Variants in CNBD1 observed in about 807,000 individuals in gnomAD.
CNBD1 encodes the protein cyclic nucleotide binding domain containing 1.
CNBD1 carries 71 observed loss-of-function variants against 54.4 expected under a neutral mutation model. That is an observed-to-expected ratio of 1.30 (90% CI 1.08 to 1.59). The LOEUF (loss-of-function observed/expected upper bound fraction) is 1.59, where lower values mean the gene tolerates loss of function less well. CNBD1 is among the 40% of genes most tolerant of loss of function. The probability of loss-of-function intolerance (pLI) is 0.00; values close to 1 mark genes in which losing one functional copy is unlikely to be tolerated. For synonymous variants in CNBD1, 182 were observed against 170.7 expected (o/e 1.07, Z -0.51); for missense variants, 659 against 518.0 (o/e 1.27, Z -2.64).
In CNBD1 at chr8:87,286,539, GA is replaced by G; in HGVS notation, c.916del (p.Ile306Ter). The G allele has an allele frequency of 7.1e-7, 1 of 1,406,910 alleles. No homozygotes were observed. The highest frequency in any genetic ancestry group is 9.8e-7 in the Non-Finnish European group (1 of 1,023,278). 87.2% of individuals were successfully genotyped at this position (1,406,910 alleles called of 1,614,324 possible). ...PAKGYAKIKE[E>X]KIKLENMQKL... ...ATTTGATAATGACATTCTGTTTTAG[GA>G]AAAAATAAAACTTGAAAATATGCAA... On this transcript the variant is annotated frameshift_variant and splice_region_variant, in exon 8 of 11. Coordinates refer to ENST00000518476, the MANE Select transcript of CNBD1 (RefSeq NM_173538.3). LOFTEE classifies it high-confidence loss of function.
chr8:86,898,860 A>G (rs1808889441), intron 2 of CNBD1, among the ~76,000 whole-genome samples: 1 of 152,196 alleles, frequency 6.6e-6, no homozygotes, highest in Non-Finnish European at 1.5e-5. Context: ...TGTCAAAGAC[A>G]CTGTTAGAAG....
At chr8:87,419,000 A>G (rs184502888) in intron 2 of CNBD1, among the ~76,000 whole-genome samples, 2 of 151,928 alleles carry the variant, frequency 1.3e-5, no homozygotes, top group East Asian at 1.9e-4. Context: ...AAACTTTTAC[A>G]TGAATGTTCA....
rs184692580 is a variant in CNBD1, at chr8:86,882,586, T to A, written c.89-4956T>A. On this transcript the variant is annotated intron_variant, in intron 1 of 10. Transcript: ENST00000518476. ...CCTGTTGGTGGGACTGTAAATCAGC[T>A]CAACCATTGTGGAAGACAGTGTGGC... Among the ~76,000 whole-genome samples the A allele has an allele frequency of 7.2e-5, 11 of 152,244 alleles. No homozygotes were observed. In the South Asian group the frequency reaches 1.0e-3, roughly 14 times the overall value.
chr8:87,004,769 G>T (rs929568915), intron 4 of CNBD1, among the ~76,000 whole-genome samples: 2 of 151,972 alleles, frequency 1.3e-5, no homozygotes, highest in African/African-American at 4.8e-5. Flanking sequence ...GTTTTAATTC[G>T]AACAATATAA....
intron 4 of CNBD1, among the ~76,000 whole-genome samples, chr8:87,004,054 G>A (rs1041751123): frequency 2.0e-5 from 3 of 151,990 alleles, no homozygotes; most frequent in African/African-American, 7.2e-5. Flanking sequence ...GTGACATACC[G>A]TATATATATA....
At chr8:86,969,691 G>A (rs1808173954) in intron 4 of CNBD1, among the ~76,000 whole-genome samples, 1 of 151,470 alleles carries the variant, frequency 6.6e-6, no homozygotes, top group South Asian at 2.1e-4. Context: ...ATTACAATAT[G>A]TATTTTTGAG....
chr8:87,208,051 T>C (rs984742751), intron 5 of CNBD1, among the ~76,000 whole-genome samples: 2 of 152,188 alleles, frequency 1.3e-5, no homozygotes, highest in Non-Finnish European at 2.9e-5. Context: ...TATTCATGTA[T>C]GTGTTTCCCT....
At chr8:87,368,822 C>T (rs1042343962) in intron 10 of CNBD1, among the ~76,000 whole-genome samples, 4 of 151,912 alleles carry the variant, frequency 2.6e-5, no homozygotes, top group Non-Finnish European at 5.9e-5. Flanking sequence ...TCATGGACAA[C>T]ATATCTGAGG....
rs78627225 is a variant in CNBD1, at chr8:87,354,185, C to G, written c.1303+399C>G. On this transcript the variant is annotated intron_variant, in intron 10 of 10. Transcript: ENST00000518476. ...TGGACCTCACAGCTGAAAATGGGAG[C>G]CTTGTCTCATTCTCTGTGTGAGTCC... is the stretch of plus-strand genomic sequence containing the variant. Among the ~76,000 whole-genome samples the G allele has an allele frequency of 3.8e-3, 584 of 152,152 alleles. 8 individuals carry two copies. Among genetic ancestry groups the G allele is most frequent in the African/African-American group, 0.013 (555 of 41,490 alleles).
intron 4 of CNBD1, among the ~76,000 whole-genome samples, chr8:87,057,211 TGACTCACTTCCACAGGGCGGGGGAG>T (rs554830307): frequency 6.6e-6 from 1 of 152,270 alleles, no homozygotes; most frequent in Admixed American, 6.5e-5. Flanking sequence ...GAGGTTTAAT[TGACTCACTTCCACAGGGCGGGGGAG>T]GCCTCAGGAA....
intron 4 of CNBD1, among the ~76,000 whole-genome samples, chr8:87,100,620 C>A (rs1037740371): frequency 6.6e-6 from 1 of 152,064 alleles, no homozygotes; most frequent in Admixed American, 6.6e-5. Context: ...GGGTTACAGG[C>A]ACCTACTACC....
intron 4 of CNBD1, among the ~76,000 whole-genome samples, chr8:86,956,805 A>G (rs917265389): frequency 6.6e-6 from 1 of 152,136 alleles, no homozygotes; most frequent in Non-Finnish European, 1.5e-5. Flanking sequence ...TCTTTTCCTA[A>G]TTGAATACCC....
chr8:86,910,227 C>T (rs1435260945), intron 3 of CNBD1, among the ~76,000 whole-genome samples: 1 of 152,086 alleles, frequency 6.6e-6, no homozygotes, highest in Non-Finnish European at 1.5e-5. Context: ...GAAAAGCCAG[C>T]CTTAGAGAAA....
At chr8:87,011,856 C>T (rs1042913459) in intron 4 of CNBD1, among the ~76,000 whole-genome samples, 5 of 151,912 alleles carry the variant, frequency 3.3e-5, no homozygotes, top group African/African-American at 4.8e-5. Flanking sequence ...AGAATAGCTC[C>T]GATAATTGAT....
At position 87,075,065 on chromosome 8, in the gene CNBD1, A is replaced by G. The variant is rs114124776; in HGVS notation, c.432-130928A>G. On this transcript the variant is annotated intron_variant, in intron 4 of 10. Transcript: ENST00000518476. Reference sequence around the variant, plus strand: ...TAGTAGTACTACTTATCTCTTAGGCATATTATGAATATTAAATAAGTTATT... The same window carrying G: ...TAGTAGTACTACTTATCTCTTAGGCGTATTATGAATATTAAATAAGTTATT... 2.6e-3 allele frequency among the ~76,000 whole-genome samples: 398 copies of G among 152,348 alleles called. 2 individuals carry two copies. Among genetic ancestry groups the G allele is most frequent in the African/African-American group, 9.1e-3 (379 of 41,574 alleles).
rs867472893 is a variant in CNBD1 at position 87,371,159 on chromosome 8, T to C, written c.1304-11461T>C. On this transcript the variant is annotated intron_variant, in intron 10 of 10. Coordinates refer to ENST00000518476, the MANE Select transcript of CNBD1 (RefSeq NM_173538.3). ...TGTAGTATAGTTTGAAGTCAGGTAG[T>C]GTGATGCCTCCAGTTTTGTTCTTTC... Among the ~76,000 whole-genome samples, 7 of 151,916 alleles carry C rather than the reference T, an allele frequency of 4.6e-5. No individual in the cohort carries two copies. In the East Asian group the frequency reaches 5.8e-4, roughly 13 times the overall value.
intron 4 of CNBD1, among the ~76,000 whole-genome samples, chr8:87,128,044 G>A (rs753427292): frequency 1.3e-5 from 2 of 152,096 alleles, no homozygotes; most frequent in Non-Finnish European, 2.9e-5. Flanking sequence ...TCTGAATGTC[G>A]AGAGGAGTTT....
intron 4 of CNBD1, among the ~76,000 whole-genome samples, chr8:87,159,065 T>C (rs998216886): frequency 6.6e-6 from 1 of 152,182 alleles, no homozygotes; most frequent in Non-Finnish European, 1.5e-5. Context: ...GTTAATGAGC[T>C]GCCAAACATT....
intron 6 of CNBD1, among the ~76,000 whole-genome samples, chr8:87,259,311 G>A (rs1294790032): frequency 6.6e-6 from 1 of 152,104 alleles, no homozygotes; most frequent in Non-Finnish European, 1.5e-5. Flanking sequence ...AGGAAGCATG[G>A]CTAATTCCAC....
Sources: allele counts gnomAD v4.1 joint callset (sites outside exome capture counted in the v4.1 genomes callset), GRCh38; gene constraint gnomAD v4.1.1; transcripts MANE v1.5; gene names NCBI Gene and HGNC (gene_info 2026-07-23, HGNC 2026-07-21).